BRINP1: variants seen among roughly 807,000 people sequenced by gnomAD.
BRINP1 encodes the protein BMP/retinoic acid-inducible neural-specific protein 1.
In BRINP1, 17 loss-of-function variants were observed where a neutral mutation model predicts 72.9. The observed-to-expected ratio is 0.23, with a 90% CI of 0.16 to 0.35. The LOEUF (loss-of-function observed/expected upper bound fraction) is 0.35, where lower values mean the gene tolerates loss of function less well. Ranked by LOEUF, BRINP1 falls within the 10% of genes least tolerant of loss-of-function variation. The probability of loss-of-function intolerance (pLI) is 1.00; values close to 1 mark genes in which losing one functional copy is unlikely to be tolerated. For missense variants in BRINP1, 850 were observed against 1,001.6 expected (o/e 0.85, Z 2.04); for synonymous variants, 418 against 378.5 (o/e 1.10, Z -1.21).
chr9:119,283,222 C>A (rs1374513608), intron 2 of BRINP1: 117 of 948,284 alleles, frequency 1.2e-4, no homozygotes, highest in Non-Finnish European at 1.4e-4. Context: ...TAGTCCTCAT[C>A]GTCCCTGGAA....
chr9:119,355,563 AT>A (rs1831554185), intron 1 of BRINP1, among the ~76,000 whole-genome samples: 1 of 151,872 alleles, frequency 6.6e-6, no homozygotes, highest in Non-Finnish European at 1.5e-5. Flanking sequence ...CCCATCTCTA[AT>A]AAAAACACAA....
chr9:119,320,455 C>T (rs1297565000), intron 1 of BRINP1, among the ~76,000 whole-genome samples: 1 of 152,118 alleles, frequency 6.6e-6, no homozygotes, highest in African/African-American at 2.4e-5. Context: ...ACAGCCAGGG[C>T]CCTCAAAGAG....
intron 7 of BRINP1, among the ~76,000 whole-genome samples, chr9:119,199,815 T>C (rs1420246741): frequency 4.1e-5 from 6 of 145,838 alleles, no homozygotes; most frequent in Non-Finnish European, 3.0e-5. Context: ...TTTTTTTTTC[T>C]TCAGTAGGGA....
rs1299281270 is a variant in BRINP1, at chr9:119,366,252, G to C, written c.-51+2804C>G. Among the ~76,000 whole-genome samples, 3 of 152,102 alleles carry C rather than the reference G, an allele frequency of 2.0e-5. No homozygotes were observed. The East Asian group carries it at 5.8e-4, about 29-fold the overall frequency. ...CTGTAATATGTATTAATGTCTAGGG[G>C]TGAGATTCTAATTAATATAAAGAAA... On this transcript the variant is annotated intron_variant, in intron 1 of 7. Transcript: ENST00000265922.
intron 2 of BRINP1, among the ~76,000 whole-genome samples, chr9:119,277,591 A>G (rs895002801): frequency 4.6e-5 from 7 of 152,204 alleles, no homozygotes; most frequent in Non-Finnish European, 1.0e-4. Flanking sequence ...GGAGCCTACT[A>G]TGTCAGAACT....
In BRINP1 at chr9:119,167,821, C is replaced by T. The variant is rs1403684721; in HGVS notation, c.1549G>A (p.Asp517Asn). 6.2e-7 allele frequency: 1 copy of T among 1,613,790 alleles called. No homozygotes were observed. Among genetic ancestry groups the T allele is most frequent in the Non-Finnish European group, 8.5e-7 (1 of 1,180,010 alleles). The stretch of plus-strand genomic sequence containing the variant: ...GACATGCGCTTGCGCCACCGAGGGT[C>T]AAAGAAGGTGTCGAGGCGGATCTCG... ...SNEIRLDTFF[D>N]PRWRKRMSLT... is the part of the protein sequence containing the mutation. Residue 517 changes from aspartate to asparagine, a missense_variant, in exon 8 of 8, where the codon GAC (aspartate) becomes AAC (asparagine). Coordinates refer to ENST00000265922, the MANE Select transcript of BRINP1 (RefSeq NM_014618.3). The surrounding 1 kb of genome is among the most constrained non-coding windows in gnomAD (Gnocchi z 4.3).
intron 6 of BRINP1, among the ~76,000 whole-genome samples, chr9:119,210,729 TAGAC>T (rs763623735): frequency 3.3e-4 from 50 of 152,344 alleles, no homozygotes; most frequent in Admixed American, 2.0e-3. Flanking sequence ...TATAGACAGT[TAGAC>T]AGGCAAGAGT....
chr9:119,349,146 C>T (rs1350229782), intron 1 of BRINP1, among the ~76,000 whole-genome samples: 11 of 152,146 alleles, frequency 7.2e-5, no homozygotes, highest in South Asian at 2.1e-4. Context: ...GAAAAACCCC[C>T]GCGTAAGAGC....
chr9:119,361,767 T>C (rs1357053356), intron 1 of BRINP1, among the ~76,000 whole-genome samples: 1 of 150,662 alleles, frequency 6.6e-6, no homozygotes, highest in African/African-American at 2.4e-5. Flanking sequence ...ACTACAGGTG[T>C]GCACCATTAC....
At chr9:119,283,785 G>C (rs1395599367) in intron 2 of BRINP1, among the ~76,000 whole-genome samples, 4 of 152,062 alleles carry the variant, frequency 2.6e-5, no homozygotes, top group Admixed American at 2.6e-4. Context: ...CACCCACCTC[G>C]GCCTCCTAAA....
chr9:119,316,549 T>A (rs1475301233), intron 1 of BRINP1, among the ~76,000 whole-genome samples: 1 of 152,120 alleles, frequency 6.6e-6, no homozygotes, highest in Non-Finnish European at 1.5e-5. Flanking sequence ...CGCCAAATGC[T>A]CACCTACCAT....
intron 1 of BRINP1, among the ~76,000 whole-genome samples, chr9:119,335,290 C>T (rs993423903): frequency 6.6e-6 from 1 of 152,144 alleles, no homozygotes; most frequent in Non-Finnish European, 1.5e-5. Flanking sequence ...CAGGGCCCAG[C>T]TAGGTTTCTA....
chr9:119,264,836 A>T (rs1343667131), intron 2 of BRINP1, among the ~76,000 whole-genome samples: 3 of 151,870 alleles, frequency 2.0e-5, no homozygotes, highest in Non-Finnish European at 4.4e-5. Flanking sequence ...TGCCAGGCTA[A>T]TTTTTTTTGT....
rs1831724378 is a variant in BRINP1 at position 119,368,931 on chromosome 9, G to A, written c.-51+125C>T. Reference sequence around the variant, plus strand: ...GACTTGGAGGCGGCGGGGCGGCCAGGTGAAGAGCGGACAAGGGTGCCGGTA... The same window carrying A: ...GACTTGGAGGCGGCGGGGCGGCCAGATGAAGAGCGGACAAGGGTGCCGGTA... On this transcript the variant is annotated intron_variant, in intron 1 of 7. Transcript: ENST00000265922. The surrounding 1 kb of genome is among the most constrained non-coding windows in gnomAD (Gnocchi z 4.7). 2 of 378,336 alleles carry A rather than the reference G, an allele frequency of 5.3e-6. No individual in the cohort carries two copies. Among genetic ancestry groups the A allele is most frequent in the Non-Finnish European group, 9.4e-6 (2 of 213,410 alleles). 23.4% of individuals were successfully genotyped at this position (378,336 alleles called of 1,614,324 possible).
chr9:119,181,184 C>A (rs1829552749), intron 7 of BRINP1, among the ~76,000 whole-genome samples: 1 of 152,148 alleles, frequency 6.6e-6, no homozygotes, highest in Non-Finnish European at 1.5e-5. Flanking sequence ...TGGAGGGCTA[C>A]AAGAGTGGTT....
chr9:119,361,863 G>GT (rs957351887), intron 1 of BRINP1, among the ~76,000 whole-genome samples: 4 of 147,252 alleles, frequency 2.7e-5, no homozygotes, highest in Non-Finnish European at 5.9e-5. Context: ...GAGTGCAGTG[G>GT]TGCGATCTCA....
intron 7 of BRINP1, among the ~76,000 whole-genome samples, chr9:119,185,825 C>T (rs1449475993): frequency 1.3e-5 from 2 of 152,196 alleles, no homozygotes; most frequent in African/African-American, 2.4e-5. Flanking sequence ...AAGAAGCCCA[C>T]GTTGTATCCC....
Position 119,342,171 on chromosome 9 carries a change from T to C in BRINP1, c.-51+26885A>G, listed in dbSNP as rs980570405. 4.0e-5 allele frequency among the ~76,000 whole-genome samples: 6 copies of C among 151,858 alleles called. No homozygotes were observed. In the East Asian group the frequency reaches 1.2e-3, roughly 29 times the overall value. ...GCTAGAATATAAACAAAAATGGTTGTATTGTTTTTTGGTTTTCACTATATT... is the reference window on the plus strand; with the variant it reads ...GCTAGAATATAAACAAAAATGGTTGCATTGTTTTTTGGTTTTCACTATATT... On this transcript the variant is annotated intron_variant, in intron 1 of 7. Coordinates refer to ENST00000265922, the MANE Select transcript of BRINP1 (RefSeq NM_014618.3).
chr9:119,220,160 C>T (rs1045887451), intron 5 of BRINP1, among the ~76,000 whole-genome samples: 1 of 152,054 alleles, frequency 6.6e-6, no homozygotes, highest in African/African-American at 2.4e-5. Context: ...CAAGAAAGAT[C>T]TTTATTCATT....
Sources: gnomAD v4.1 joint callset for allele counts (sites outside exome capture counted in the v4.1 genomes callset) on GRCh38, gnomAD v4.1.1 for gene constraint, Gnocchi (gnomAD v3.1) non-coding constraint, MANE v1.5 for transcripts, NCBI Gene and HGNC (gene_info 2026-07-23, HGNC 2026-07-21) for gene names.